Variants in SPG11 observed in about 807,000 individuals in gnomAD.
SPG11 encodes SPG11 vesicle trafficking associated, spatacsin.
SPG11 carries 222 observed loss-of-function variants against 274.0 expected under a neutral mutation model. That is an observed-to-expected ratio of 0.81 (90% confidence interval 0.73 to 0.91). SPG11 has a LOEUF of 0.91. Ranked by LOEUF, SPG11 falls within the 40% of genes least tolerant of loss-of-function variation. The pLI is 0.00. For missense variants in SPG11, 3,114 were observed against 2,872.7 expected, an observed-to-expected ratio of 1.08 and a Z score of -1.92; for synonymous variants, 1,144 against 1,039.7, an observed-to-expected ratio of 1.10 and a Z score of -1.93.
At chr15:44,591,329 T>C (rs537533125) in intron 27 of SPG11, among the ~76,000 whole-genome samples, 3 of 152,368 alleles carry the variant, frequency 2.0e-5, no homozygotes, top group South Asian at 2.1e-4. Context: ...AAAAGTTATA[T>C]AATACTTCTA....
intron 11 of SPG11, among the ~76,000 whole-genome samples, chr15:44,623,534 G>C (rs1234000024): frequency 3.3e-5 from 5 of 152,070 alleles, no homozygotes; most frequent in Admixed American, 6.6e-5. Context: ...TACTTCTAAG[G>C]CTTCCCCTTC....
intron 11 of SPG11, among the ~76,000 whole-genome samples, chr15:44,624,354 A>G (rs1252585227): frequency 2.6e-5 from 4 of 151,924 alleles, no homozygotes; most frequent in Non-Finnish European, 4.4e-5. Flanking sequence ...AGAGAGAGAG[A>G]GGAAAACCTG....
chr15:44,608,594 A>C lies in SPG11; in HGVS notation c.3303T>G (p.Asn1101Lys). Residue 1101 changes from asparagine to lysine, a missense_variant, in exon 19 of 40, where the codon AAT becomes AAG. Transcript: ENST00000261866. The part of the protein sequence containing the change: ...SPGGVSQVVQ[N>K]EENENCLKKV... The stretch of plus-strand genomic sequence containing the variant: ...TCTTCAAACAGTTTTCATTTTCTTC[A>C]TTCTGAACAACCTAAGTAAAAAAAC... The C allele has an allele frequency of 6.2e-7, 1 of 1,613,920 alleles. No individual in the cohort carries two copies.
In SPG11 at chr15:44,621,818, G is replaced by A. The variant is rs758923470; in HGVS notation, c.2561C>T (p.Ala854Val). 143 of 1,613,722 alleles carry A rather than the reference G, an allele frequency of 8.9e-5. No homozygotes were observed. Among genetic ancestry groups the A allele is most frequent in the Non-Finnish European group, 1.2e-4 (136 of 1,179,936 alleles). ...TTGTGTTAGTTGATCCCACCACAGA[G>A]CCCAATTTAACACAATTCTATGGTC... ...KQDHRIVLNW[A>V]LWWDQLTQES... Residue 854 changes from alanine (A) to valine (V), a missense_variant, in exon 14 of 40, where the codon GCT (alanine) becomes GTT (valine). Transcript: ENST00000261866.
At chr15:44,634,791 G>A (rs982318382) in intron 7 of SPG11, among the ~76,000 whole-genome samples, 3 of 151,868 alleles carry the variant, frequency 2.0e-5, no homozygotes, top group African/African-American at 7.3e-5. Flanking sequence ...TGGCCAGGCT[G>A]GTCTCAAACT....
At chr15:44,592,497 A>G (rs2082928114) in intron 26 of SPG11, 59 bp from the exon 27 acceptor site, 1 of 947,330 alleles carries the variant, frequency 1.1e-6, no homozygotes, top group East Asian at 2.4e-5. Context: ...TTTTCAATGA[A>G]TAATGCCAAA....
intron 7 of SPG11, among the ~76,000 whole-genome samples, chr15:44,642,370 A>G (rs1415472272): frequency 6.7e-6 from 1 of 149,746 alleles, no homozygotes; most frequent in Non-Finnish European, 1.5e-5. Flanking sequence ...ATCTCAAAAA[A>G]AAAAAAAAGA....
At chr15:44,578,925 G>A (rs1374027765) in intron 30 of SPG11, among the ~76,000 whole-genome samples, 2 of 152,198 alleles carry the variant, frequency 1.3e-5, no homozygotes, top group Admixed American at 1.3e-4. Context: ...GGAGGCCAAG[G>A]TGGGTGGATC....
At chr15:44,600,678 A>G (rs1309310287) in intron 20 of SPG11, 46 bp from the exon 21 acceptor site, 1 of 1,592,594 alleles carries the variant, frequency 6.3e-7, no homozygotes, top group African/African-American at 1.3e-5. Flanking sequence ...TATCACCATA[A>G]TTAATTTCAG....
At chr15:44,614,336 C>T (rs1353903777) in intron 16 of SPG11, among the ~76,000 whole-genome samples, 1 of 152,042 alleles carries the variant, frequency 6.6e-6, no homozygotes, top group Non-Finnish European at 1.5e-5. Flanking sequence ...AAGTAATCCT[C>T]CCACCTCAGC....
chr15:44,596,704 T>C, intron 24 of SPG11, 80 bp downstream of exon 24: 3 of 657,610 alleles, frequency 4.6e-6, no homozygotes, highest in Non-Finnish European at 8.0e-6. Context: ...CTATGTCATG[T>C]CTACACAACA....
Position 44,598,308 on chromosome 15 carries a change from C to T in SPG11, c.3958G>A (p.Glu1320Lys). ...TGAATGCTGTTCCATGTACCTTCTT[C>T]TAAGAGAACAAGCAATTCTTCTGTG... ...TTTEELLVLL[E>K]EGTWNSIQQQ... Residue 1320 changes from glutamate to lysine, a missense_variant, in exon 23 of 40, where the codon GAA (glutamate) becomes AAA (lysine). Coordinates refer to ENST00000261866, the MANE Select transcript of SPG11 (RefSeq NM_025137.4). The T allele has an allele frequency of 6.2e-7, 1 of 1,614,098 alleles. No homozygotes were observed. The highest frequency in any genetic ancestry group is 8.5e-7 in the Non-Finnish European group (1 of 1,179,988).
At chr15:44,615,297 C>T in intron 16 of SPG11, 66 bp downstream of exon 16, 16 of 1,454,236 alleles carry the variant, frequency 1.1e-5, no homozygotes, top group Non-Finnish European at 1.4e-5. Flanking sequence ...AAGTCACATT[C>T]AGGAGTCATA....
intron 16 of SPG11, among the ~76,000 whole-genome samples, chr15:44,614,790 C>T (rs1281127200): frequency 6.6e-6 from 1 of 152,148 alleles, no homozygotes; most frequent in Non-Finnish European, 1.5e-5. Flanking sequence ...ACATTGTAAA[C>T]ACTCACATAT....
chr15:44,613,343 T>G, intron 17 of SPG11, 87 bp downstream of exon 17: 1 of 885,806 alleles, frequency 1.1e-6, no homozygotes, highest in Non-Finnish European at 1.9e-6. Flanking sequence ...AATAATTTAT[T>G]TAAAAGAGTT....
In SPG11 at chr15:44,563,321, G is replaced by A. The variant is rs1306828497; in HGVS notation, c.7152-20C>T. 1 of 1,604,334 alleles carries A rather than the reference G, an allele frequency of 6.2e-7. No homozygotes were observed. Among genetic ancestry groups the A allele is most frequent in the Non-Finnish European group, 8.5e-7 (1 of 1,172,136 alleles). ...TTATATCTAGATAAAGAAACATAATGTACAGGTTAAGATACTGTTTTTTGT... is the reference window on the plus strand; with the variant it reads ...TTATATCTAGATAAAGAAACATAATATACAGGTTAAGATACTGTTTTTTGT... On this transcript the variant is annotated intron_variant, in intron 39 of 39. Transcript: ENST00000261866.
In SPG11 at chr15:44,594,208, C is replaced by T. The variant is rs200693384; in HGVS notation, c.4635+1051G>A. Reference sequence around the variant, plus strand: ...TTGGGAGGCCGAGGTGGGAGGATCACGAGGTCAGGAGATTGAGACCAGCCT... The same window carrying T: ...TTGGGAGGCCGAGGTGGGAGGATCATGAGGTCAGGAGATTGAGACCAGCCT... On this transcript the variant is annotated intron_variant, in intron 26 of 39. Transcript: ENST00000261866. Among the ~76,000 whole-genome samples, 13 of 151,550 alleles carry T rather than the reference C, an allele frequency of 8.6e-5. No homozygotes were observed. In the East Asian group the frequency reaches 1.6e-3, roughly 19 times the overall value.
At chr15:44,640,123 T>A (rs2084397374) in intron 7 of SPG11, among the ~76,000 whole-genome samples, 1 of 152,128 alleles carries the variant, frequency 6.6e-6, no homozygotes, top group African/African-American at 2.4e-5. Flanking sequence ...GGCAGGAGAA[T>A]CGCTTGAACC....
chr15:44,607,879 A>G (rs1366049401), intron 19 of SPG11, among the ~76,000 whole-genome samples: 1 of 152,218 alleles, frequency 6.6e-6, no homozygotes, highest in Admixed American at 6.5e-5. Flanking sequence ...TTAGAAGTTA[A>G]AAGTGGCAGA....
Sources: allele counts gnomAD v4.1 joint callset (sites outside exome capture counted in the v4.1 genomes callset), GRCh38; gene constraint gnomAD v4.1.1; transcripts MANE v1.5; gene names NCBI Gene and HGNC (gene_info 2026-07-23, HGNC 2026-07-21).